The following CNTNAP5 variants were observed in gnomAD, a reference collection of about 807,000 sequenced individuals.
CNTNAP5 encodes contactin-associated protein-like 5.
In CNTNAP5, 72 loss-of-function variants were observed where a neutral mutation model predicts 150.2. The observed-to-expected ratio is 0.48, with a 90% CI of 0.40 to 0.58. CNTNAP5 has a LOEUF of 0.58. CNTNAP5 is among the 20% of genes least tolerant of loss of function. CNTNAP5 has a pLI of 0.00. For missense variants in CNTNAP5, 1,636 were observed against 1,626.2 expected, an observed-to-expected ratio of 1.01 and a Z score of -0.10; for synonymous variants, 672 against 619.8, an observed-to-expected ratio of 1.08 and a Z score of -1.25.
At chr2:124,357,199 G>A (rs187281555) in intron 3 of CNTNAP5, among the ~76,000 whole-genome samples, 8 of 152,158 alleles carry the variant, frequency 5.3e-5, no homozygotes, top group Admixed American at 4.6e-4. Flanking sequence ...GTAGATTCTG[G>A]ATATTAACCC....
At chr2:124,287,580 C>T (rs892627884) in intron 3 of CNTNAP5, among the ~76,000 whole-genome samples, 1 of 152,054 alleles carries the variant, frequency 6.6e-6, no homozygotes, top group African/African-American at 2.4e-5. Context: ...AGCATTTTAG[C>T]TTCATCGAAT....
chr2:124,316,804 C>CAAAAAAAAAAAAAAAAAAA (rs56812690), intron 3 of CNTNAP5, among the ~76,000 whole-genome samples: 41 of 54,784 alleles, frequency 7.5e-4, no homozygotes, highest in South Asian at 9.0e-4. Context: ...GACTCCATCT[C>CAAAAAAAAAAAAAAAAAAA]AAAAAAAAAA....
intron 7 of CNTNAP5, among the ~76,000 whole-genome samples, chr2:124,497,506 C>T (rs1357518321): frequency 6.6e-6 from 1 of 152,178 alleles, no homozygotes; most frequent in Non-Finnish European, 1.5e-5. Flanking sequence ...TCTTTTCTTG[C>T]TAAGTTCTAA....
At chr2:124,893,097 T>A (rs1193652459) in intron 21 of CNTNAP5, among the ~76,000 whole-genome samples, 1 of 152,148 alleles carries the variant, frequency 6.6e-6, no homozygotes, top group Non-Finnish European at 1.5e-5. Context: ...ATTCATTCAC[T>A]GGGAGCATTA....
chr2:124,806,896 C>T (rs1258640965), intron 19 of CNTNAP5, among the ~76,000 whole-genome samples: 2 of 147,056 alleles, frequency 1.4e-5, no homozygotes, highest in African/African-American at 5.0e-5. Flanking sequence ...AGGCTAGTTA[C>T]TGAACTACCT....
chr2:124,125,927 A>T (rs1573772847), intron 1 of CNTNAP5, among the ~76,000 whole-genome samples: 1 of 152,348 alleles, frequency 6.6e-6, no homozygotes, highest in East Asian at 1.9e-4. Context: ...TGTAGAGGGA[A>T]ATTTATAGCA....
At chr2:124,741,603 CTGTCTT>C (rs948656297) in intron 13 of CNTNAP5, among the ~76,000 whole-genome samples, 2 of 152,136 alleles carry the variant, frequency 1.3e-5, no homozygotes, top group African/African-American at 4.8e-5. Context: ...TATATTTTCT[CTGTCTT>C]TGAACCATTT....
intron 12 of CNTNAP5, among the ~76,000 whole-genome samples, chr2:124,642,059 T>C (rs1678104489): frequency 6.6e-6 from 1 of 152,144 alleles, no homozygotes; most frequent in Admixed American, 6.5e-5. Context: ...GAAAATTAAA[T>C]TGTGGCTCTG....
intron 17 of CNTNAP5, among the ~76,000 whole-genome samples, chr2:124,785,868 G>GA (rs1303344062): frequency 6.6e-6 from 1 of 152,172 alleles, no homozygotes; most frequent in Non-Finnish European, 1.5e-5. Context: ...AGCAGGGGCT[G>GA]AAGGTAGCAT....
chr2:124,410,320 C>T (rs1284288513), intron 3 of CNTNAP5, among the ~76,000 whole-genome samples: 5 of 151,230 alleles, frequency 3.3e-5, no homozygotes, highest in Admixed American at 1.3e-4. Context: ...GACAGATCAA[C>T]GAGACAGAAA....
intron 16 of CNTNAP5, among the ~76,000 whole-genome samples, chr2:124,770,020 T>C (rs1470770553): frequency 6.6e-6 from 1 of 152,216 alleles, no homozygotes; most frequent in Non-Finnish European, 1.5e-5. Context: ...TTTTACTGAT[T>C]CTAGGAGGTG....
At chr2:124,231,513 C>T (rs1171651805) in intron 2 of CNTNAP5, among the ~76,000 whole-genome samples, 1 of 152,108 alleles carries the variant, frequency 6.6e-6, no homozygotes, top group Admixed American at 6.6e-5. Flanking sequence ...AATAAAGATG[C>T]TCTTGACATA....
rs144432701 is a variant in CNTNAP5, at chr2:124,735,649, C to T, written c.2078-11580C>T. On this transcript the variant is annotated intron_variant, in intron 13 of 23. Transcript: ENST00000682447. ...TGAAAATATATAGTACTCTTTTATT[C>T]CCTTCTCTAATAGGACCAGGTTTCA... Among the ~76,000 whole-genome samples, 996 of 152,136 alleles carry T rather than the reference C, an allele frequency of 6.5e-3. 7 individuals carry two copies. Among genetic ancestry groups the T allele is most frequent in the African/African-American group, 0.022 (913 of 41,498 alleles).
intron 3 of CNTNAP5, among the ~76,000 whole-genome samples, chr2:124,324,923 A>G (rs956571847): frequency 2.0e-5 from 3 of 152,212 alleles, no homozygotes; most frequent in Admixed American, 6.5e-5. Flanking sequence ...ACATAAGCAC[A>G]CGGTTTGTGA....
chr2:124,843,929 T>A (rs1682995569), intron 19 of CNTNAP5, among the ~76,000 whole-genome samples: 1 of 152,272 alleles, frequency 6.6e-6, no homozygotes, highest in South Asian at 2.1e-4. Flanking sequence ...ATGTATAGAT[T>A]GTGAATATTT....
chr2:124,137,257 AT>A (rs1454362153), intron 1 of CNTNAP5, among the ~76,000 whole-genome samples: 24 of 152,114 alleles, frequency 1.6e-4, no homozygotes, highest in Non-Finnish European at 3.1e-4. Flanking sequence ...TGAAAAAAAA[AT>A]AAAGCTGCCT....
At chr2:124,268,257 T>C (rs1216755606) in intron 3 of CNTNAP5, among the ~76,000 whole-genome samples, 1 of 152,108 alleles carries the variant, frequency 6.6e-6, no homozygotes, top group African/African-American at 2.4e-5. Context: ...AAGTGTGAGT[T>C]TGTTGTTGTG....
At chr2:124,759,412 C>T (rs1680910508) in intron 14 of CNTNAP5, among the ~76,000 whole-genome samples, 1 of 144,772 alleles carries the variant, frequency 6.9e-6, no homozygotes, top group South Asian at 2.1e-4. Context: ...TCTATATATA[C>T]ACATTATATA....
At chr2:124,644,238 A>G (rs1291965399) in intron 12 of CNTNAP5, among the ~76,000 whole-genome samples, 1 of 152,212 alleles carries the variant, frequency 6.6e-6, no homozygotes, top group Non-Finnish European at 1.5e-5. Flanking sequence ...ACCCTTCCCT[A>G]GCCTAGAGCA....
Sources: allele counts gnomAD v4.1 joint callset (sites outside exome capture counted in the v4.1 genomes callset), GRCh38; gene constraint gnomAD v4.1.1; transcripts MANE v1.5; gene names NCBI Gene and HGNC (gene_info 2026-07-23, HGNC 2026-07-21).